The following PRKG1 variants were observed in gnomAD, a reference collection of about 807,000 sequenced individuals.
The protein encoded by PRKG1 is protein kinase cGMP-dependent 1.
A neutral mutation model predicts 88.1 loss-of-function variants in PRKG1; 35 were observed. That is an observed-to-expected ratio of 0.40 (90% CI 0.30 to 0.53). The LOEUF is 0.53. Ranked by LOEUF, PRKG1 falls within the 20% of genes least tolerant of loss-of-function variation. The pLI is 0.59. For synonymous variants in PRKG1, 303 were observed against 292.5 expected (o/e 1.04, Z -0.37); for missense variants, 540 against 839.8 (o/e 0.64, Z 4.41).
chr10:51,941,033 C>CA (rs1286296937), intron 5 of PRKG1, among the ~76,000 whole-genome samples: 3 of 151,730 alleles, frequency 2.0e-5, no homozygotes, highest in Non-Finnish European at 2.9e-5. Flanking sequence ...TGTTACATAG[C>CA]AAAAAAATCA....
intron 2 of PRKG1, among the ~76,000 whole-genome samples, chr10:51,412,044 T>C (rs1838101690): frequency 6.6e-6 from 1 of 152,216 alleles, no homozygotes; most frequent in Non-Finnish European, 1.5e-5. Flanking sequence ...CTATGAATAA[T>C]GTGTAATTAA....
intron 7 of PRKG1, among the ~76,000 whole-genome samples, chr10:52,116,427 T>G (rs1243906288): frequency 2.6e-5 from 4 of 152,174 alleles, no homozygotes; most frequent in African/African-American, 9.6e-5. Context: ...TATTCTATTC[T>G]GTATTATAGT....
chr10:51,179,672 C>A, intron 2 of PRKG1, among the ~76,000 whole-genome samples: 1 of 152,092 alleles, frequency 6.6e-6, no homozygotes, highest in South Asian at 2.1e-4. Flanking sequence ...GACAAATAAC[C>A]CTTACCTTTC....
intron 5 of PRKG1, among the ~76,000 whole-genome samples, chr10:52,015,282 A>G (rs1845009178): frequency 6.6e-6 from 1 of 152,244 alleles, no homozygotes; most frequent in South Asian, 2.1e-4. Context: ...ACCCATAGAC[A>G]CAACACCATG....
At chr10:51,551,446 CAA>C (rs1182997987) in intron 3 of PRKG1, among the ~76,000 whole-genome samples, 1 of 151,622 alleles carries the variant, frequency 6.6e-6, no homozygotes, top group Non-Finnish European at 1.5e-5. Flanking sequence ...ATTTATTAGT[CAA>C]GTTGTATAAT....
chr10:52,275,589 T>C (rs180801477), intron 12 of PRKG1, among the ~76,000 whole-genome samples: 2 of 152,290 alleles, frequency 1.3e-5, no homozygotes, highest in Non-Finnish European at 2.9e-5. Flanking sequence ...TATGGTCTTA[T>C]AGTATGGTTT....
At chr10:51,494,199 A>T (rs952758205) in intron 3 of PRKG1, among the ~76,000 whole-genome samples, 2 of 152,178 alleles carry the variant, frequency 1.3e-5, no homozygotes, top group Non-Finnish European at 2.9e-5. Flanking sequence ...CTGGGATTAC[A>T]GACCTGAGGC....
At chr10:51,811,045 T>C (rs12245684) in intron 4 of PRKG1, among the ~76,000 whole-genome samples, 21,166 of 152,090 alleles carry the variant, frequency 0.14, 1,970 homozygotes, top group African/African-American at 0.27. Context: ...AGCAACTAAG[T>C]CTCAAAGAGA....
At chr10:52,055,547 A>T (rs527584491) in intron 6 of PRKG1, among the ~76,000 whole-genome samples, 131 of 152,302 alleles carry the variant, frequency 8.6e-4, no homozygotes, top group African/African-American at 3.1e-3. Context: ...CTTTTAGATT[A>T]ATGCTATACT....
intron 3 of PRKG1, among the ~76,000 whole-genome samples, chr10:51,716,984 C>G (rs1841901813): frequency 6.6e-6 from 1 of 152,166 alleles, no homozygotes; most frequent in Non-Finnish European, 1.5e-5. Flanking sequence ...AGGCGTGAGC[C>G]ACTGTGCCCA....
intron 4 of PRKG1, among the ~76,000 whole-genome samples, chr10:51,873,404 A>T (rs1841208145): frequency 6.6e-6 from 1 of 152,006 alleles, no homozygotes. Flanking sequence ...GTTATGTGAG[A>T]GTTGTAACTG....
At chr10:51,192,992 T>C (rs1162107163) in intron 2 of PRKG1, among the ~76,000 whole-genome samples, 1 of 152,064 alleles carries the variant, frequency 6.6e-6, no homozygotes, top group Non-Finnish European at 1.5e-5. Flanking sequence ...AATATAGCTA[T>C]TTAAATGTTA....
chr10:51,517,644 T>C (rs1246083640), intron 3 of PRKG1, among the ~76,000 whole-genome samples: 1 of 152,236 alleles, frequency 6.6e-6, no homozygotes, highest in Non-Finnish European at 1.5e-5. Flanking sequence ...ATGACTGTAG[T>C]GTTTGGCCCA....
chr10:51,692,524 T>C (rs2132394449), intron 3 of PRKG1, among the ~76,000 whole-genome samples: 1 of 152,272 alleles, frequency 6.6e-6, no homozygotes, highest in Admixed American at 6.5e-5. Context: ...ATTACAGGCA[T>C]GAGCCACCAC....
At chr10:52,069,690 C>T (rs552778194) in intron 7 of PRKG1, among the ~76,000 whole-genome samples, 12 of 152,200 alleles carry the variant, frequency 7.9e-5, no homozygotes, top group African/African-American at 2.2e-4. Context: ...ATCCCACCCG[C>T]GTACTTCCTC....
At chr10:50,999,815 A>G (rs1842870416) in intron 1 of PRKG1, among the ~76,000 whole-genome samples, 1 of 152,180 alleles carries the variant, frequency 6.6e-6, no homozygotes, top group South Asian at 2.1e-4. Context: ...TATGCTAAAA[A>G]TTTTCCAAAT....
intron 2 of PRKG1, among the ~76,000 whole-genome samples, chr10:51,163,621 C>T (rs1051821207): frequency 7.2e-5 from 11 of 152,160 alleles, no homozygotes; most frequent in African/African-American, 2.2e-4. Flanking sequence ...CGCAAGGGGT[C>T]GGGGAGTTCC....
intron 2 of PRKG1, among the ~76,000 whole-genome samples, chr10:51,368,102 A>G (rs921124903): frequency 6.6e-6 from 1 of 152,048 alleles, no homozygotes; most frequent in Non-Finnish European, 1.5e-5. Context: ...TCATAGAGCC[A>G]GAATATTTTC....
chr10:51,730,749 A>G (rs1329079634), intron 3 of PRKG1, among the ~76,000 whole-genome samples: 1 of 152,248 alleles, frequency 6.6e-6, no homozygotes. Context: ...TTCCTGCAGC[A>G]CTGCCTGGGA....
Sources: allele counts gnomAD v4.1 joint callset (sites outside exome capture counted in the v4.1 genomes callset), GRCh38; gene constraint gnomAD v4.1.1; transcripts MANE v1.5; gene names NCBI Gene and HGNC (gene_info 2026-07-23, HGNC 2026-07-21).